The following NPAS2 variants were observed in gnomAD, a reference collection of about 807,000 sequenced individuals.
The protein encoded by NPAS2 is neuronal PAS domain-containing protein 2.
A neutral mutation model predicts 107.5 loss-of-function variants in NPAS2; 23 were observed. The observed-to-expected ratio is 0.21, with a 90% CI of 0.15 to 0.30. The LOEUF (loss-of-function observed/expected upper bound fraction) is 0.30, where lower values mean the gene tolerates loss of function less well. Among genes scored for constraint, NPAS2 ranks in the 10% least tolerant of loss-of-function variants. NPAS2 has a pLI of 1.00. For synonymous variants in NPAS2, 403 were observed against 417.5 expected (o/e 0.97, Z 0.42); for missense variants, 756 against 1,043.3 (o/e 0.72, Z 3.79).
chr2:100,882,904 G>A (rs1680462520), intron 1 of NPAS2, among the ~76,000 whole-genome samples: 2 of 152,190 alleles, frequency 1.3e-5, no homozygotes, highest in South Asian at 4.1e-4. Flanking sequence ...TGGGCTAGGG[G>A]AGGGGCCCAC....
intron 1 of NPAS2, among the ~76,000 whole-genome samples, chr2:100,839,755 A>G (rs1677278928): frequency 6.6e-6 from 1 of 151,972 alleles, no homozygotes. Context: ...AATCCTTCGA[A>G]TTTTTTATGC....
In NPAS2 at chr2:100,995,578, G is replaced by A. The variant is rs1274794081; in HGVS notation, c.2471G>A (p.Arg824Gln). 1.5e-5 allele frequency: 24 copies of A among 1,602,948 alleles called. No homozygotes were observed. Among genetic ancestry groups the A allele is most frequent in the Middle Eastern group, 1.7e-4 (1 of 6,012 alleles). The change falls in exon 21 of 21, where the codon CGA (arginine) becomes CAA (glutamine). Residue 824 changes from arginine (R) to glutamine (Q), a missense_variant. Physicochemically the swap from Arg to Gln is conservative, Grantham distance 43. Coordinates refer to ENST00000335681, the MANE Select transcript of NPAS2 (RefSeq NM_002518.4). ...SESSGLQQPP[R>Q] ...TCGTCAGGCCTCCAGCAGCCGCCCC[G>A]ATAATGCCCCGGCACTGAAGTCGGG...
chr2:100,957,051 C>T (rs1048950559), intron 7 of NPAS2, among the ~76,000 whole-genome samples: 1 of 152,252 alleles, frequency 6.6e-6, no homozygotes, highest in Non-Finnish European at 1.5e-5. Flanking sequence ...TTTTCCCCTA[C>T]TTCAATGTTT....
rs115237626 is a variant in NPAS2 at position 100,920,476 on chromosome 2, T to C, written c.33-4670T>C. On this transcript the variant is annotated intron_variant, in intron 2 of 20. Coordinates refer to ENST00000335681, the MANE Select transcript of NPAS2 (RefSeq NM_002518.4). ...CCACTTCCCTGGAGGTCTGTCTGTA[T>C]TGCATTTAATAACTGGATGTTTGAG... Among the ~76,000 whole-genome samples, 674 of 152,278 alleles carry C rather than the reference T, an allele frequency of 4.4e-3. 3 individuals are homozygous for C. The highest frequency in any genetic ancestry group is 0.014 in the African/African-American group (599 of 41,548).
At position 100,820,445 on chromosome 2, in the gene NPAS2, C is replaced by G. The variant is rs1287339941; in HGVS notation, c.-23+31C>G. ...GGGCCGCGCCTAGGGGCGCGGGGGA[C>G]CCAGGGTGGGTAGTACGTGCGCGCG... On this transcript the variant is annotated intron_variant, in intron 1 of 20. Transcript: ENST00000335681. This position sits in a 1 kb window ranked among gnomAD's most constrained non-coding sequence, Gnocchi z 5.6. 1 of 150,408 alleles carries G rather than the reference C, an allele frequency of 6.6e-6. No homozygotes were observed. The highest frequency in any genetic ancestry group is 2.4e-5 in the African/African-American group (1 of 41,072). The allele number at this position is 150,408 out of a possible 1,614,324, so 9.3% of individuals were successfully genotyped here.
chr2:100,951,093 ACCCAGGAATGTG>A (rs1242568209), intron 7 of NPAS2, among the ~76,000 whole-genome samples: 1 of 152,068 alleles, frequency 6.6e-6, no homozygotes, highest in African/African-American at 2.4e-5. Context: ...GGAGGGTAGG[ACCCAGGAATGTG>A]CCGTTGGGGA....
intron 1 of NPAS2, among the ~76,000 whole-genome samples, chr2:100,873,301 TATATATACACACACACACACAC>T (rs1679725273): frequency 1.5e-5 from 1 of 64,776 alleles, no homozygotes; most frequent in African/African-American, 7.7e-5. Context: ...TATATATATA[TATATATACACACACACACACAC>T]ACACACACAC....
In NPAS2 at chr2:100,820,322, G is replaced by C. The variant is rs1320201802; in HGVS notation, c.-115G>C. On this transcript the variant is annotated 5_prime_UTR_variant, in exon 1 of 21. Transcript: ENST00000335681. The surrounding 1 kb of genome is among the most constrained non-coding windows in gnomAD (Gnocchi z 5.6). ...CGCCCGGGAGGAGCTCGCCGCGCCC[G>C]CTCGCCGCCTCGTCTCCCAGCGGCG... The C allele has an allele frequency of 7.1e-6, 1 of 141,800 alleles. No individual in the cohort carries two copies. The highest frequency in any genetic ancestry group is 1.5e-5 in the Non-Finnish European group (1 of 64,776). The allele number at this position is 141,800 out of a possible 1,614,324, so 8.8% of individuals were successfully genotyped here. A position where few individuals can be genotyped will look rare whatever the true frequency, so the allele number is the denominator to read the frequency against.
At chr2:100,905,159 C>A (rs1174601276) in intron 2 of NPAS2, among the ~76,000 whole-genome samples, 1 of 152,144 alleles carries the variant, frequency 6.6e-6, no homozygotes, top group Non-Finnish European at 1.5e-5. Context: ...AGTCCTAACT[C>A]AGTTGCTGGG....
intron 1 of NPAS2, among the ~76,000 whole-genome samples, chr2:100,839,487 CTCTT>C (rs1677263804): frequency 6.6e-6 from 1 of 152,084 alleles, no homozygotes. Context: ...GATAGATCTC[CTCTT>C]TCTTATGATT....
intron 1 of NPAS2, among the ~76,000 whole-genome samples, chr2:100,865,511 TCTA>T (rs1374074737): frequency 6.6e-6 from 1 of 152,222 alleles, no homozygotes; most frequent in Non-Finnish European, 1.5e-5. Context: ...GCTGACATAG[TCTA>T]CTTTGTAGGA....
chr2:100,975,205 C>A (rs1197647274), intron 13 of NPAS2: 4 of 574,776 alleles, frequency 7.0e-6, no homozygotes, highest in Non-Finnish European at 1.2e-5. Context: ...TTTAGTAATT[C>A]TGGGGAGGCG....
Position 100,968,198 on chromosome 2 carries a change from G to A in NPAS2, c.908-83G>A. On this transcript the variant is annotated intron_variant, in intron 10 of 20. Transcript: ENST00000335681. The surrounding 1 kb of genome is among the most constrained non-coding windows in gnomAD (Gnocchi z 5.3). ...TTTGGTATTGTCTTTTTTTTTGAAA[G>A]CTTATCTTTACAATAACTCTTGGGG... 1 of 1,439,616 alleles carries A rather than the reference G, an allele frequency of 6.9e-7. No individual in the cohort carries two copies. Among genetic ancestry groups the A allele is most frequent in the South Asian group, 1.3e-5 (1 of 78,872 alleles). The allele number at this position is 1,439,616 out of a possible 1,614,324, so 89.2% of individuals were successfully genotyped here.
intron 1 of NPAS2, among the ~76,000 whole-genome samples, chr2:100,841,778 A>G (rs1451023134): frequency 6.6e-6 from 1 of 152,206 alleles, no homozygotes; most frequent in Non-Finnish European, 1.5e-5. Context: ...ATGCACACAT[A>G]TGCATACACA....
chr2:100,975,697 A>G (rs988183112), intron 14 of NPAS2, 130 bp downstream of exon 14: 11 of 600,430 alleles, frequency 1.8e-5, no homozygotes, highest in Non-Finnish European at 3.1e-5. Flanking sequence ...AGGGTGGCAG[A>G]TGGGGGTGGG....
rs113358490 is a variant in NPAS2, at chr2:100,977,542, G to A, written c.1393-168G>A. Among the ~76,000 whole-genome samples, 1,084 of 152,310 alleles carry A rather than the reference G, an allele frequency of 7.1e-3. 3 individuals carry two copies. The highest frequency in any genetic ancestry group is 0.011 in the Non-Finnish European group (754 of 68,022). ...CAGGGGCTCTGCCCTTGTGCCCTGC[G>A]TAGGAAGCAGTGCAGCCAGGGAACA... On this transcript the variant is annotated intron_variant, in intron 14 of 20. Coordinates refer to ENST00000335681, the MANE Select transcript of NPAS2 (RefSeq NM_002518.4).
chr2:100,959,037 G>A (rs1675748519), intron 7 of NPAS2, among the ~76,000 whole-genome samples: 1 of 147,200 alleles, frequency 6.8e-6, no homozygotes, highest in Non-Finnish European at 1.5e-5. Flanking sequence ...TAGATAATTT[G>A]AGCTCAGGAG....
intron 5 of NPAS2, among the ~76,000 whole-genome samples, chr2:100,941,147 G>A (rs1274105883): frequency 2.0e-5 from 3 of 152,242 alleles, no homozygotes; most frequent in Non-Finnish European, 4.4e-5. Flanking sequence ...CAACATCTCA[G>A]ATGTAACAGA....
chr2:100,995,976 T>C lies in NPAS2; in HGVS notation c.*394T>C. 1.5e-6 allele frequency: 2 copies of C among 1,298,966 alleles called. No homozygotes were observed. The highest frequency in any genetic ancestry group is 3.3e-4 in the Middle Eastern group (1 of 3,064). The allele number at this position is 1,298,966 out of a possible 1,614,324, so 80.5% of individuals were successfully genotyped here. On this transcript the variant is annotated 3_prime_UTR_variant, in exon 21 of 21. Transcript: ENST00000335681. ...CTGGCCTTCACGCTCTTGATCGTCT[T>C]TCCTTTGTATTGGAGAAGGACTGGG...
Sources: gnomAD v4.1 joint callset for allele counts (sites outside exome capture counted in the v4.1 genomes callset) on GRCh38, gnomAD v4.1.1 for gene constraint, Gnocchi (gnomAD v3.1) non-coding constraint, MANE v1.5 for transcripts, NCBI Gene and HGNC (gene_info 2026-07-23, HGNC 2026-07-21) for gene names.